The following FAT4 variants were observed in gnomAD, a reference collection of about 807,000 sequenced individuals.
FAT4 encodes protocadherin Fat 4.
A neutral mutation model predicts 303.9 loss-of-function variants in FAT4; 84 were observed. That is an observed-to-expected ratio of 0.28 (90% CI 0.23 to 0.33). The LOEUF (loss-of-function observed/expected upper bound fraction) is 0.33, where lower values mean the gene tolerates loss of function less well. FAT4 is among the 10% of genes least tolerant of loss of function. The pLI, the probability that FAT4 is intolerant of heterozygous loss-of-function variation, is 1.00. For synonymous variants in FAT4, 2,307 were observed against 2,298.8 expected, an observed-to-expected ratio of 1.00 and a Z score of -0.10; for missense variants, 6,005 against 6,146.8, an observed-to-expected ratio of 0.98 and a Z score of 0.77.
At chr4:125,364,337 C>A (rs1477723215) in intron 2 of FAT4, among the ~76,000 whole-genome samples, 1 of 152,128 alleles carries the variant, frequency 6.6e-6, no homozygotes, top group African/African-American at 2.4e-5. Flanking sequence ...TCTGTCTCTT[C>A]TTCAGCATCA....
rs2125939948 is a variant in FAT4, at chr4:125,317,669, A to G, written c.1258A>G (p.Ile420Val). The G allele has an allele frequency of 6.2e-7, 1 of 1,614,034 alleles. No individual in the cohort carries two copies. Among genetic ancestry groups the G allele is most frequent in the Non-Finnish European group, 8.5e-7 (1 of 1,179,992 alleles). ...CAGCAAAGTGCCGAACCTGAGCCTA[A>G]TCAAGGTGGCCAGCGCCTTGGACCG... ...QSSKVPNLSL[I>V]KVASALDRER... The change falls in exon 2 of 18, where the codon ATC (isoleucine) becomes GTC (valine). Residue 420 changes from isoleucine to valine, a missense_variant. By Grantham distance (29) the Ile-to-Val change is conservative. Transcript: ENST00000394329. This position sits in a 1 kb window ranked among gnomAD's most constrained non-coding sequence, Gnocchi z 7.0.
At chr4:125,406,041 T>C (rs1040140080) in intron 3 of FAT4, among the ~76,000 whole-genome samples, 16 of 152,184 alleles carry the variant, frequency 1.1e-4, no homozygotes, top group African/African-American at 3.6e-4. Context: ...CTTTCACTTG[T>C]CTGCTTTTGC....
At chr4:125,344,866 C>T (rs899380459) in intron 2 of FAT4, among the ~76,000 whole-genome samples, 1 of 152,078 alleles carries the variant, frequency 6.6e-6, no homozygotes, top group Admixed American at 6.5e-5. Context: ...GTATTTCTCA[C>T]TCATCCCTGG....
intron 3 of FAT4, among the ~76,000 whole-genome samples, chr4:125,404,648 C>T (rs1734518416): frequency 6.6e-6 from 1 of 152,088 alleles, no homozygotes; most frequent in Non-Finnish European, 1.5e-5. Context: ...TAACTATAGG[C>T]ACGATGTTGT....
chr4:125,456,963 T>C (rs1308957905), intron 10 of FAT4, among the ~76,000 whole-genome samples: 1 of 152,174 alleles, frequency 6.6e-6, no homozygotes, highest in African/African-American at 2.4e-5. Context: ...CAGAATTATT[T>C]TAAATTACTG....
At position 125,477,184 on chromosome 4, in the gene FAT4, C is replaced by A. The variant is rs749481270; in HGVS notation, c.12329C>A (p.Thr4110Lys). 6.9e-7 allele frequency: 1 copy of A among 1,443,974 alleles called. No individual in the cohort carries two copies. Among genetic ancestry groups the A allele is most frequent in the South Asian group, 1.6e-5 (1 of 62,342 alleles). The allele number at this position is 1,443,974 out of a possible 1,614,324, so 89.4% of individuals were successfully genotyped here. The stretch of plus-strand genomic sequence containing the variant: ...CTTGATGTTCAGCCAAATAGAGTTA[C>A]AGTTGGAGGTATCAGATCTCTAGAA... ...WTLDVQPNRVTVGGIRSLEPI... is the reference protein window; with the variant it reads ...WTLDVQPNRVKVGGIRSLEPI... The change falls in exon 14 of 18, where the codon ACA becomes AAA. Residue 4110 changes from threonine (T) to lysine (K), a missense_variant. Thr to Lys is a moderately conservative substitution (Grantham distance 78, BLOSUM62 -1). Transcript: ENST00000394329.
At chr4:125,459,271 A>C (rs2126067857) in intron 10 of FAT4, among the ~76,000 whole-genome samples, 1 of 152,166 alleles carries the variant, frequency 6.6e-6, no homozygotes. Flanking sequence ...TATTTCACAT[A>C]ATCCAACATT....
At chr4:125,437,797 C>T (rs1725512065) in intron 8 of FAT4, among the ~76,000 whole-genome samples, 1 of 152,176 alleles carries the variant, frequency 6.6e-6, no homozygotes, top group South Asian at 2.1e-4. Flanking sequence ...TGAATCCTGA[C>T]TCTACTATTA....
chr4:125,449,919 C>A lies in FAT4; in HGVS notation c.8909C>A (p.Thr2970Lys). Residue 2970 changes from threonine to lysine, a missense_variant, in exon 10 of 18, where the codon ACA (threonine) becomes AAA (lysine). Transcript: ENST00000394329. ...AAACCTTCCTTAATTAGTGAGACAA[C>A]AGTTACCATCAATATAGTGGACAGT... The part of the protein sequence containing the change: ...RGKPSLISET[T>K]VTINIVDSND... 6.2e-7 allele frequency: 1 copy of A among 1,613,862 alleles called. No individual in the cohort carries two copies. The highest frequency in any genetic ancestry group is 8.5e-7 in the Non-Finnish European group (1 of 1,179,910).
At chr4:125,401,295 G>C (rs906266685) in intron 3 of FAT4, among the ~76,000 whole-genome samples, 5 of 151,892 alleles carry the variant, frequency 3.3e-5, no homozygotes, top group Admixed American at 2.6e-4. Flanking sequence ...TTTTCTTTTT[G>C]TTGTTGTTTT....
At chr4:125,444,539 A>G (rs1725761831) in intron 8 of FAT4, among the ~76,000 whole-genome samples, 1 of 152,138 alleles carries the variant, frequency 6.6e-6, no homozygotes, top group Non-Finnish European at 1.5e-5. Context: ...CATTTAAATG[A>G]TAGCAAGTCT....
At position 125,449,543 on chromosome 4, in the gene FAT4, A is replaced by T; in HGVS notation, c.8533A>T (p.Ile2845Phe). The T allele has an allele frequency of 6.2e-7, 1 of 1,613,582 alleles. No individual in the cohort carries two copies. ...LNREDTDRYRIRVSAHDSGWT... is the reference protein window; with the variant it reads ...LNREDTDRYRFRVSAHDSGWT... ...TAGGGAAGATACAGACCGTTACAGAATTCGAGTTTCCGCACATGATTCTGG... is the reference window on the plus strand; with the variant it reads ...TAGGGAAGATACAGACCGTTACAGATTTCGAGTTTCCGCACATGATTCTGG... The change falls in exon 10 of 18, where the codon ATT becomes TTT. Residue 2845 changes from isoleucine (I) to phenylalanine (F), a missense_variant. Coordinates refer to ENST00000394329, the MANE Select transcript of FAT4 (RefSeq NM_001291303.3).
chr4:125,341,998 G>C (rs1731816452), intron 2 of FAT4, among the ~76,000 whole-genome samples: 1 of 151,774 alleles, frequency 6.6e-6, no homozygotes, highest in Admixed American at 6.6e-5. Context: ...ATGAATCCTT[G>C]AAGTCCTGTG....
Position 125,490,417 on chromosome 4 carries a change from A to G in FAT4, c.13601A>G (p.Lys4534Arg), listed in dbSNP as rs749145679. The G allele has an allele frequency of 2.1e-5, 34 of 1,613,988 alleles. No individual in the cohort carries two copies. Among genetic ancestry groups the G allele is most frequent in the South Asian group, 6.6e-5 (6 of 91,088 alleles). The change falls in exon 18 of 18, where the codon AAG becomes AGG. Residue 4534 changes from lysine (K) to arginine (R), a missense_variant. Physicochemically the swap from Lys to Arg is conservative, Grantham distance 26 (BLOSUM62 2). Coordinates refer to ENST00000394329, the MANE Select transcript of FAT4 (RefSeq NM_001291303.3). ...SLILCNQCRG[K>R]KAKNPKEEKK... ...ATCCTGTGTAACCAGTGCAGGGGGA[A>G]GAAGGCCAAAAATCCCAAAGAGGAG...
intron 2 of FAT4, among the ~76,000 whole-genome samples, chr4:125,395,871 C>T (rs923376694): frequency 4.0e-5 from 6 of 151,862 alleles, no homozygotes; most frequent in South Asian, 2.1e-4. Flanking sequence ...AAGACTTTTC[C>T]GTATTTGAAA....
chr4:125,443,749 A>G (rs1053091886), intron 8 of FAT4, among the ~76,000 whole-genome samples: 14 of 152,312 alleles, frequency 9.2e-5, no homozygotes, highest in Admixed American at 9.2e-4. Context: ...AATCTAATAA[A>G]GTTTTTAACT....
chr4:125,472,373 A>G (rs1324822432), intron 12 of FAT4, among the ~76,000 whole-genome samples: 3 of 152,276 alleles, frequency 2.0e-5, no homozygotes, highest in Admixed American at 6.5e-5. Flanking sequence ...AATATGTTAT[A>G]TTGCTGAATG....
chr4:125,427,733 G>A (rs894942398), intron 7 of FAT4, among the ~76,000 whole-genome samples: 6 of 152,210 alleles, frequency 3.9e-5, no homozygotes, highest in African/African-American at 7.2e-5. Context: ...CAAACACACC[G>A]CTAGTCAGGG....
intron 14 of FAT4, among the ~76,000 whole-genome samples, chr4:125,478,069 A>G (rs1727095498): frequency 6.6e-6 from 1 of 152,168 alleles, no homozygotes; most frequent in Non-Finnish European, 1.5e-5. Context: ...TTCCAATTTT[A>G]TTAATATACC....
Sources: gnomAD v4.1 joint callset for allele counts (sites outside exome capture counted in the v4.1 genomes callset) on GRCh38, gnomAD v4.1.1 for gene constraint, Gnocchi (gnomAD v3.1) non-coding constraint, MANE v1.5 for transcripts, NCBI Gene and HGNC (gene_info 2026-07-23, HGNC 2026-07-21) for gene names.